The following AP5M1 variants were observed in gnomAD, a reference collection of about 807,000 sequenced individuals.
AP5M1 encodes the protein adaptor related protein complex 5 subunit mu 1, also known as AP-5 complex subunit mu-1.
AP5M1 carries 44 observed loss-of-function variants against 52.3 expected under a neutral mutation model. That is an observed-to-expected ratio of 0.84 (90% CI 0.66 to 1.08). AP5M1 has a LOEUF of 1.08. Ranked by LOEUF, AP5M1 falls within the 50% of genes least tolerant of loss-of-function variation. The pLI is 0.00. For missense variants in AP5M1, 526 were observed against 568.4 expected, an observed-to-expected ratio of 0.93 and a Z score of 0.76; for synonymous variants, 213 against 199.0, an observed-to-expected ratio of 1.07 and a Z score of -0.59.
intron 1 of AP5M1, among the ~76,000 whole-genome samples, chr14:57,272,227 T>C (rs1178721525): frequency 2.0e-5 from 3 of 152,204 alleles, no homozygotes; most frequent in African/African-American, 7.2e-5. Context: ...TCTGTATCAT[T>C]GAATGACTTA....
At chr14:57,272,234 C>T (rs898578028) in intron 1 of AP5M1, among the ~76,000 whole-genome samples, 10 of 152,038 alleles carry the variant, frequency 6.6e-5, no homozygotes, top group Non-Finnish European at 1.5e-4. Flanking sequence ...CATTGAATGA[C>T]TTAGTTAAAT....
chr14:57,292,534 G>A lies in AP5M1; in HGVS notation c.*3650G>A, dbSNP rs898203064. The A allele has an allele frequency of 5.9e-5, 9 of 151,928 alleles. No homozygotes were observed. Among genetic ancestry groups the A allele is most frequent in the South Asian group, 2.1e-4 (1 of 4,826 alleles). The allele number at this position is 151,928 out of a possible 1,614,324, so 9.4% of individuals were successfully genotyped here. A position where few individuals can be genotyped will look rare whatever the true frequency, so the allele number is the denominator to read the frequency against. On this transcript the variant is annotated 3_prime_UTR_variant, in exon 8 of 8. Coordinates refer to ENST00000261558, the MANE Select transcript of AP5M1 (RefSeq NM_018229.4). ...ATACCAAATGAAGTTTATTTCTTACGTAATAGAACAAACATTTCTTTTTGC... is the reference window on the plus strand; with the variant it reads ...ATACCAAATGAAGTTTATTTCTTACATAATAGAACAAACATTTCTTTTTGC...
At chr14:57,276,962 A>G (rs1017300800) in intron 2 of AP5M1, among the ~76,000 whole-genome samples, 4 of 152,220 alleles carry the variant, frequency 2.6e-5, no homozygotes, top group Non-Finnish European at 5.9e-5. Context: ...AGCCCATTAT[A>G]AATGGAAATA....
rs1388214462 is a variant in AP5M1 at position 57,296,419 on chromosome 14, A to T, written c.*7535A>T. ...CTTTATTACTTACCATTTCTATAAC[A>T]TGTACATTTATAGAGCATCATATAT... On this transcript the variant is annotated 3_prime_UTR_variant, in exon 8 of 8. Coordinates refer to ENST00000261558, the MANE Select transcript of AP5M1 (RefSeq NM_018229.4). 6.6e-6 allele frequency: 1 copy of T among 152,040 alleles called. No individual in the cohort carries two copies. The highest frequency in any genetic ancestry group is 1.5e-5 in the Non-Finnish European group (1 of 67,956). 9.4% of individuals were successfully genotyped at this position (152,040 alleles called of 1,614,324 possible).
intron 7 of AP5M1, among the ~76,000 whole-genome samples, chr14:57,288,251 A>G (rs1055060277): frequency 3.3e-5 from 5 of 151,908 alleles, no homozygotes; most frequent in African/African-American, 9.7e-5. Flanking sequence ...TCAACTTTAC[A>G]TATCAGAAAA....
chr14:57,286,919 AT>A (rs1467665931), intron 7 of AP5M1, among the ~76,000 whole-genome samples: 4 of 152,032 alleles, frequency 2.6e-5, no homozygotes, highest in African/African-American at 9.7e-5. Context: ...TAGGAAGACA[AT>A]AAAAAAGACG....
At position 57,293,815 on chromosome 14, in the gene AP5M1, T is replaced by A. The variant is rs1180024246; in HGVS notation, c.*4931T>A. 6.6e-6 allele frequency: 1 copy of A among 151,628 alleles called. No individual in the cohort carries two copies. Among genetic ancestry groups the A allele is most frequent in the African/African-American group, 2.4e-5 (1 of 41,348 alleles). The allele number at this position is 151,628 out of a possible 1,614,324, so 9.4% of individuals were successfully genotyped here. A position where few individuals can be genotyped will look rare whatever the true frequency, so the allele number is the denominator to read the frequency against. On this transcript the variant is annotated 3_prime_UTR_variant, in exon 8 of 8. Coordinates refer to ENST00000261558, the MANE Select transcript of AP5M1 (RefSeq NM_018229.4). ...TTGGTGGGTTTCCCTGTGAAACATG[T>A]CAGTATCATGTAAGATGAAGAATAT...
chr14:57,272,120 TG>T (rs1884908768), intron 1 of AP5M1, among the ~76,000 whole-genome samples: 1 of 152,244 alleles, frequency 6.6e-6, no homozygotes, highest in African/African-American at 2.4e-5. Context: ...TTTTTCACTG[TG>T]TTCAGGATAT....
At position 57,274,277 on chromosome 14, in the gene AP5M1, C is replaced by T. The variant is rs1410928441; in HGVS notation, c.108C>T (p.Val36=). ...RYPTVEKRAR[V]FNGASYVPVP... ...CAACTGTTGAAAAACGAGCCAGAGTCTTCAATGGAGCAAGTTATGTGCCTG... is the reference window on the plus strand; with the variant it reads ...CAACTGTTGAAAAACGAGCCAGAGTTTTCAATGGAGCAAGTTATGTGCCTG... Residue 36 remains valine, a synonymous_variant, in exon 2 of 8, where the codon GTC becomes GTT. Coordinates refer to ENST00000261558, the MANE Select transcript of AP5M1 (RefSeq NM_018229.4). The T allele has an allele frequency of 1.2e-6, 2 of 1,613,690 alleles. No homozygotes were observed. The highest frequency in any genetic ancestry group is 1.7e-6 in the Non-Finnish European group (2 of 1,179,848).
rs1257580449 is a variant in AP5M1, at chr14:57,290,416, G to A, written c.*1532G>A. 1 of 151,876 alleles carries A rather than the reference G, an allele frequency of 6.6e-6. No homozygotes were observed. The highest frequency in any genetic ancestry group is 6.6e-5 in the Admixed American group (1 of 15,226). 9.4% of individuals were successfully genotyped at this position (151,876 alleles called of 1,614,324 possible). On this transcript the variant is annotated 3_prime_UTR_variant, in exon 8 of 8. Coordinates refer to ENST00000261558, the MANE Select transcript of AP5M1 (RefSeq NM_018229.4). The stretch of plus-strand genomic sequence containing the variant: ...AAATATCATTCCCTATAAGTTATTT[G>A]ATCTCTCTTAAACTCAAAGCTTAAC...
Position 57,272,270 on chromosome 14 carries a change from C to T in AP5M1, c.75-1974C>T, listed in dbSNP as rs572444150. Reference sequence around the variant, plus strand: ...TTTATTATATTTTCAGTTTTCTAACCTCTTGGGGGAGGTGTTAGAGCTACA... The same window carrying T: ...TTTATTATATTTTCAGTTTTCTAACTTCTTGGGGGAGGTGTTAGAGCTACA... On this transcript the variant is annotated intron_variant, in intron 1 of 7. Transcript: ENST00000261558. 5.5e-4 allele frequency among the ~76,000 whole-genome samples: 84 copies of T among 152,156 alleles called. 1 individual carries two copies. The highest frequency in any genetic ancestry group is 2.0e-3 in the African/African-American group (81 of 41,502).
chr14:57,282,878 CTCTTAAAACTGTTATA>C, intron 4 of AP5M1, 40 bp from the exon 5 acceptor site: 1 of 1,223,208 alleles, frequency 8.2e-7, no homozygotes. Context: ...TGACTTAGAT[CTCTTAAAACTGTTATA>C]TCTATGATCT....
intron 7 of AP5M1, among the ~76,000 whole-genome samples, chr14:57,286,996 TACACACACACACACAC>T (rs58786398): frequency 2.8e-5 from 4 of 140,430 alleles, no homozygotes; most frequent in African/African-American, 9.9e-5. Flanking sequence ...CACACACACA[TACACACACACACACAC>T]ACACACACAC....
Position 57,296,191 on chromosome 14 carries a change from T to C in AP5M1, c.*7307T>C, listed in dbSNP as rs1393900262. The C allele has an allele frequency of 6.6e-6, 1 of 152,066 alleles. No individual in the cohort carries two copies. The highest frequency in any genetic ancestry group is 1.9e-4 in the East Asian group (1 of 5,190). The allele number at this position is 152,066 out of a possible 1,614,324, so 9.4% of individuals were successfully genotyped here. A position where few individuals can be genotyped will look rare whatever the true frequency, so the allele number is the denominator to read the frequency against. Reference sequence around the variant, plus strand: ...TTTAACAGGGATTAAAATGTTTTACTTGGTCTCTTAGTGTTACTGAATACA... The same window carrying C: ...TTTAACAGGGATTAAAATGTTTTACCTGGTCTCTTAGTGTTACTGAATACA... On this transcript the variant is annotated 3_prime_UTR_variant, in exon 8 of 8. Transcript: ENST00000261558.
In AP5M1 at chr14:57,288,984, T is replaced by G; in HGVS notation, c.*100T>G. 1.5e-6 allele frequency: 1 copy of G among 662,490 alleles called. No individual in the cohort carries two copies. Among genetic ancestry groups the G allele is most frequent in the Non-Finnish European group, 2.5e-6 (1 of 396,938 alleles). 41.0% of individuals were successfully genotyped at this position (662,490 alleles called of 1,614,324 possible). ...ATGCATATAACCTGTGAGTGAAAAA[T>G]CACTGAATGATTTAATTGTAAAAGT... On this transcript the variant is annotated 3_prime_UTR_variant, in exon 8 of 8. Coordinates refer to ENST00000261558, the MANE Select transcript of AP5M1 (RefSeq NM_018229.4).
Position 57,294,761 on chromosome 14 carries a change from G to A in AP5M1, c.*5877G>A, listed in dbSNP as rs1885515558. On this transcript the variant is annotated 3_prime_UTR_variant, in exon 8 of 8. Coordinates refer to ENST00000261558, the MANE Select transcript of AP5M1 (RefSeq NM_018229.4). ...TATTTTGAAAGTTATTGCAGATGTA[G>A]GGAATAGCTTGTTTCCCATTATGTT... 6.6e-6 allele frequency: 1 copy of A among 151,838 alleles called. No individual in the cohort carries two copies. Among genetic ancestry groups the A allele is most frequent in the Non-Finnish European group, 1.5e-5 (1 of 67,812 alleles). The allele number at this position is 151,838 out of a possible 1,614,324, so 9.4% of individuals were successfully genotyped here. A position where few individuals can be genotyped will look rare whatever the true frequency, so the allele number is the denominator to read the frequency against.
chr14:57,286,323 A>T lies in AP5M1; in HGVS notation c.1390+4A>T. The T allele has an allele frequency of 1.3e-6, 2 of 1,575,544 alleles. No homozygotes were observed. The highest frequency in any genetic ancestry group is 8.7e-7 in the Non-Finnish European group (1 of 1,145,788). The stretch of plus-strand genomic sequence containing the variant: ...GGAAAACCAAAAATAAGTGCACGTA[A>T]GTTACACAGATTCAAACTAACTTAA... On this transcript the variant is annotated splice_donor_region_variant and intron_variant, in intron 7 of 7. Transcript: ENST00000261558.
chr14:57,275,175 A>T (rs981237140), intron 2 of AP5M1: 3 of 408,696 alleles, frequency 7.3e-6, no homozygotes, highest in Non-Finnish European at 1.3e-5. Flanking sequence ...GGGTAGAATC[A>T]CTCATGAAGT....
intron 7 of AP5M1, chr14:57,286,662 A>G (rs1280623864): frequency 1.6e-5 from 3 of 184,324 alleles, no homozygotes; most frequent in African/African-American, 7.1e-5. Flanking sequence ...CATTAGCTGT[A>G]TAACTTTGGG....
Sources: gnomAD v4.1 joint callset for allele counts (sites outside exome capture counted in the v4.1 genomes callset) on GRCh38, gnomAD v4.1.1 for gene constraint, MANE v1.5 for transcripts, NCBI Gene and HGNC (gene_info 2026-07-23, HGNC 2026-07-21) for gene names.